The following KICS2 variants were observed in gnomAD, a reference collection of about 807,000 sequenced individuals.
The protein encoded by KICS2 is KICSTOR complex protein C12orf66.
KICS2 carries 13 observed loss-of-function variants against 31.4 expected under a neutral mutation model. That is an observed-to-expected ratio of 0.41 (90% confidence interval 0.27 to 0.66). KICS2 has a LOEUF of 0.66. Ranked by LOEUF, KICS2 falls within the 30% of genes least tolerant of loss-of-function variation. The pLI is 0.28. For synonymous variants in KICS2, 209 were observed against 214.8 expected, an observed-to-expected ratio of 0.97 and a Z score of 0.24; for missense variants, 455 against 545.4, an observed-to-expected ratio of 0.83 and a Z score of 1.65.
chr12:64,201,773 G>T (rs1025431458), intron 2 of KICS2, among the ~76,000 whole-genome samples: 5 of 105,292 alleles, frequency 4.7e-5, no homozygotes, highest in Admixed American at 1.0e-4. Context: ...AACCTGGGGT[G>T]GGGGGGCAAG....
At chr12:64,187,460 T>C (rs1592375577), downstream of KICS2, 1 of 634,542 alleles carries the variant, frequency 1.6e-6, no homozygotes, top group Admixed American at 2.9e-5. Context: ...ACAGACCTTG[T>C]TATCAAAAGC....
At chr12:64,209,092 C>T (rs1262887178) in intron 2 of KICS2, among the ~76,000 whole-genome samples, 1 of 152,066 alleles carries the variant, frequency 6.6e-6, no homozygotes, top group Non-Finnish European at 1.5e-5. Flanking sequence ...AGTTCTATTG[C>T]TCCTCAAAAG....
downstream of KICS2, chr12:64,187,481 A>AAT (rs2037347144): frequency 1.4e-6 from 1 of 703,708 alleles, no homozygotes; most frequent in Non-Finnish European, 2.4e-6. Flanking sequence ...AGATTGAAAA[A>AAT]ATATGCAGAC....
intron 2 of KICS2, 110 bp from the exon 3 acceptor site, chr12:64,194,768 G>A (rs2136688010): frequency 1.5e-6 from 2 of 1,367,644 alleles, no homozygotes; most frequent in Non-Finnish European, 1.9e-6. Context: ...TTATGCTTCA[G>A]GACAGGGGAA....
rs1235243332 is a variant in KICS2, at chr12:64,194,801, T to C, written c.522-143A>G. 17 of 1,084,974 alleles carry C rather than the reference T, an allele frequency of 1.6e-5. No individual in the cohort carries two copies. In the South Asian group the frequency reaches 3.4e-4, roughly 22 times the overall value. The allele number at this position is 1,084,974 out of a possible 1,614,324, so 67.2% of individuals were successfully genotyped here. A position where few individuals can be genotyped will look rare whatever the true frequency, so the allele number is the denominator to read the frequency against. ...GAAGAAAAGATGGAGGAACTACATGTTGATTTATTTTAAAATTCTGATATA... is the reference window on the plus strand; with the variant it reads ...GAAGAAAAGATGGAGGAACTACATGCTGATTTATTTTAAAATTCTGATATA... On this transcript the variant is annotated intron_variant, in intron 2 of 2. Transcript: ENST00000398055.
rs1030055633 is a variant in KICS2 at position 64,195,746 on chromosome 12, A to G, written c.522-1088T>C. On this transcript the variant is annotated intron_variant, in intron 2 of 2. Coordinates refer to ENST00000398055, the MANE Select transcript of KICS2 (RefSeq NM_152440.5). ...TGGGCGCAGGCCAGTGGGTGCACGC[A>G]CCGTGCGCGAGCCGAAGCAGGGCGA... 2.6e-5 allele frequency among the ~76,000 whole-genome samples: 4 copies of G among 152,226 alleles called. No homozygotes were observed. The East Asian group carries it at 5.8e-4, about 22-fold the overall frequency.
In KICS2 at chr12:64,222,265, T is replaced by C; in HGVS notation, c.-28A>G. 1 of 1,610,064 alleles carries C rather than the reference T, an allele frequency of 6.2e-7. No homozygotes were observed. Among genetic ancestry groups the C allele is most frequent in the Non-Finnish European group, 8.5e-7 (1 of 1,178,372 alleles). The stretch of plus-strand genomic sequence containing the variant: ...GAGCTGCGCCCCAGCTCGACCCACG[T>C]GGCTCTCCTCGGCCTCGCACTTCCG... On this transcript the variant is annotated 5_prime_UTR_variant, in exon 1 of 3. Coordinates refer to ENST00000398055, the MANE Select transcript of KICS2 (RefSeq NM_152440.5).
chr12:64,210,696 C>T (rs548883970), intron 2 of KICS2, among the ~76,000 whole-genome samples: 3 of 152,308 alleles, frequency 2.0e-5, no homozygotes, highest in Admixed American at 1.3e-4. Flanking sequence ...AGGATCACTT[C>T]AGCCCAGGCA....
chr12:64,193,514 GAAC>G lies in KICS2; in HGVS notation c.*325_*327del, dbSNP rs2037401386. On this transcript the variant is annotated 3_prime_UTR_variant, in exon 3 of 3. Transcript: ENST00000398055. ...GAATTGCAGTAGAACACAATGTTTAGAACAACAGAAAAACATATGGGAAAAAAA... is the reference window on the plus strand; with the variant it reads ...GAATTGCAGTAGAACACAATGTTTAGAACAGAAAAACATATGGGAAAAAAA... The G allele has an allele frequency of 2.8e-6, 3 of 1,064,592 alleles. No homozygotes were observed. Among genetic ancestry groups the G allele is most frequent in the South Asian group, 3.7e-5 (1 of 26,740 alleles). 65.9% of individuals were successfully genotyped at this position (1,064,592 alleles called of 1,614,324 possible).
rs893317580 is a variant in KICS2, at chr12:64,193,708, CAGGG to C, written c.*130_*133del. On this transcript the variant is annotated 3_prime_UTR_variant, in exon 3 of 3. Transcript: ENST00000398055. ...TTAATTGCTTATAAAGTGTGCAACA[CAGGG>C]AGGATTTGTCTTTAATTTAGTTCTG... The C allele has an allele frequency of 5.5e-6, 8 of 1,442,082 alleles. No homozygotes were observed. The highest frequency in any genetic ancestry group is 7.3e-6 in the Non-Finnish European group (8 of 1,103,062). 89.3% of individuals were successfully genotyped at this position (1,442,082 alleles called of 1,614,324 possible).
intron 1 of KICS2, 66 bp from the exon 2 acceptor site, chr12:64,216,029 C>A: frequency 7.0e-7 from 1 of 1,437,098 alleles, no homozygotes; most frequent in East Asian, 2.4e-5. Context: ...CAAACACCTA[C>A]CAACATGCAA....
At position 64,193,775 on chromosome 12, in the gene KICS2, C is replaced by T; in HGVS notation, c.*67G>A. 1 of 1,509,784 alleles carries T rather than the reference C, an allele frequency of 6.6e-7. No homozygotes were observed. The highest frequency in any genetic ancestry group is 8.8e-7 in the Non-Finnish European group (1 of 1,130,376). The allele number at this position is 1,509,784 out of a possible 1,614,324, so 93.5% of individuals were successfully genotyped here. A position where few individuals can be genotyped will look rare whatever the true frequency, so the allele number is the denominator to read the frequency against. On this transcript the variant is annotated 3_prime_UTR_variant, in exon 3 of 3. Transcript: ENST00000398055. ...ATGGATGTAAACTCTATTCACAGAC[C>T]ACCGTAGATCATTAGGGCAATTAAG...
chr12:64,208,040 C>T lies in KICS2; in HGVS notation c.521+7638G>A, dbSNP rs553014715. On this transcript the variant is annotated intron_variant, in intron 2 of 2. Coordinates refer to ENST00000398055, the MANE Select transcript of KICS2 (RefSeq NM_152440.5). ...GATTTCTCTTTGATTCTCTCTCTCT[C>T]ACTCTGTTGCCTAGGCTGGAGTGCA... Among the ~76,000 whole-genome samples the T allele has an allele frequency of 4.6e-5, 7 of 152,272 alleles. No homozygotes were observed. The East Asian group carries it at 1.2e-3, about 25-fold the overall frequency.
At chr12:64,205,120 G>A (rs1037499760) in intron 2 of KICS2, among the ~76,000 whole-genome samples, 8 of 152,136 alleles carry the variant, frequency 5.3e-5, no homozygotes, top group African/African-American at 1.7e-4. Context: ...TTAATGACAT[G>A]AAATTAGAGA....
intron 2 of KICS2, 56 bp from the exon 3 acceptor site, chr12:64,194,714 G>T: frequency 6.6e-7 from 1 of 1,513,954 alleles, no homozygotes; most frequent in South Asian, 1.3e-5. Context: ...TTGCCACACT[G>T]ACATTTTTCT....
chr12:64,207,099 G>A lies in KICS2; in HGVS notation c.521+8579C>T, dbSNP rs539659863. On this transcript the variant is annotated intron_variant, in intron 2 of 2. Transcript: ENST00000398055. ...ATGGGTGGGACCCTTGAGCTCACGC[G>A]TTCAAGACCAGCCTGGGCAACACGG... Among the ~76,000 whole-genome samples, 129 of 152,012 alleles carry A rather than the reference G, an allele frequency of 8.5e-4. 1 individual carries two copies. Among genetic ancestry groups the A allele is most frequent in the Non-Finnish European group, 1.4e-3 (93 of 67,968 alleles).
At chr12:64,209,212 A>C (rs2037564085) in intron 2 of KICS2, among the ~76,000 whole-genome samples, 1 of 152,066 alleles carries the variant, frequency 6.6e-6, no homozygotes, top group African/African-American at 2.4e-5. Context: ...AATATAGTTC[A>C]ATTTGTTAAT....
chr12:64,220,107 T>C (rs1290458474), intron 1 of KICS2, among the ~76,000 whole-genome samples: 1 of 152,194 alleles, frequency 6.6e-6, no homozygotes, highest in Non-Finnish European at 1.5e-5. Context: ...GCATTAAATA[T>C]ACCATTTTCA....
intron 2 of KICS2, among the ~76,000 whole-genome samples, chr12:64,211,988 G>A (rs1316444349): frequency 6.6e-6 from 1 of 152,172 alleles, no homozygotes; most frequent in African/African-American, 2.4e-5. Flanking sequence ...ATCTGAGTAT[G>A]TAGGAGGAAA....
Sources: allele counts gnomAD v4.1 joint callset (sites outside exome capture counted in the v4.1 genomes callset), GRCh38; gene constraint gnomAD v4.1.1; transcripts MANE v1.5; gene names NCBI Gene and HGNC (gene_info 2026-07-23, HGNC 2026-07-21).